GRM7: variants seen among roughly 807,000 people sequenced by gnomAD.
GRM7 encodes metabotropic glutamate receptor 7.
GRM7 carries 35 observed loss-of-function variants against 84.5 expected under a neutral mutation model. The observed-to-expected ratio is 0.41, with a 90% CI of 0.32 to 0.55. The LOEUF (loss-of-function observed/expected upper bound fraction) is 0.55, where lower values mean the gene tolerates loss of function less well. Ranked by LOEUF, GRM7 falls within the 20% of genes least tolerant of loss-of-function variation. GRM7 has a pLI of 0.19. For synonymous variants in GRM7, 487 were observed against 455.1 expected, an observed-to-expected ratio of 1.07 and a Z score of -0.89; for missense variants, 1,003 against 1,194.6, an observed-to-expected ratio of 0.84 and a Z score of 2.36.
At chr3:7,650,468 G>A (rs1404558942) in intron 8 of GRM7, among the ~76,000 whole-genome samples, 1 of 152,134 alleles carries the variant, frequency 6.6e-6, no homozygotes, top group Non-Finnish European at 1.5e-5. Context: ...CAGGCCAAAT[G>A]GAAGTTTCTA....
At chr3:6,904,710 CT>C (rs898161632) in intron 1 of GRM7, among the ~76,000 whole-genome samples, 1 of 151,688 alleles carries the variant, frequency 6.6e-6, no homozygotes, top group African/African-American at 2.4e-5. Flanking sequence ...ATCATCATGA[CT>C]TCCTTATGTG....
At chr3:6,977,091 A>C (rs143316966) in intron 1 of GRM7, among the ~76,000 whole-genome samples, 2 of 152,250 alleles carry the variant, frequency 1.3e-5, no homozygotes, top group Non-Finnish European at 2.9e-5. Flanking sequence ...GCACCATGGC[A>C]TATTTCCTCC....
At position 6,861,602 on chromosome 3, in the gene GRM7, A is replaced by G. The variant is rs760323966; in HGVS notation, c.214A>G (p.Arg72Gly). Residue 72 changes from arginine (R) to glycine (G), a missense_variant, in exon 1 of 10, where the codon AGG becomes GGG. Physicochemically the swap from Arg to Gly is moderately radical, Grantham distance 125. Coordinates refer to ENST00000357716, the MANE Select transcript of GRM7 (RefSeq NM_000844.4). This position sits in a 1 kb window ranked among gnomAD's most constrained non-coding sequence, Gnocchi z 6.4. The stretch of plus-strand genomic sequence containing the variant: ...CGGAGTGCCCTGCGGCGACATCAAG[A>G]GGGAAAACGGGATCCACAGGCTGGA... Reference protein sequence around the residue: ...PSGVPCGDIKRENGIHRLEAM... With the variant: ...PSGVPCGDIKGENGIHRLEAM... 27 of 1,611,380 alleles carry G rather than the reference A, an allele frequency of 1.7e-5. No individual in the cohort carries two copies. Among genetic ancestry groups the G allele is most frequent in the Middle Eastern group, 1.7e-4 (1 of 6,050 alleles).
intron 1 of GRM7, among the ~76,000 whole-genome samples, chr3:7,084,434 G>T (rs946944276): frequency 6.6e-6 from 1 of 152,096 alleles, no homozygotes; most frequent in African/African-American, 2.4e-5. Context: ...TCAGTAGCTT[G>T]GAAGGGAATA....
intron 1 of GRM7, among the ~76,000 whole-genome samples, chr3:7,127,683 A>C (rs1264290140): frequency 6.6e-6 from 1 of 152,138 alleles, no homozygotes; most frequent in Non-Finnish European, 1.5e-5. Context: ...TATAATTGTA[A>C]ATTTTATGTA....
chr3:7,181,230 A>G (rs1695327376), intron 2 of GRM7, among the ~76,000 whole-genome samples: 1 of 152,180 alleles, frequency 6.6e-6, no homozygotes, highest in Non-Finnish European at 1.5e-5. Flanking sequence ...GAGGGGACAT[A>G]TGGCATCCCA....
At position 7,587,473 on chromosome 3, in the gene GRM7, T is replaced by A. The variant is rs559916712; in HGVS notation, c.2451+8116T>A. On this transcript the variant is annotated intron_variant, in intron 8 of 9. Transcript: ENST00000357716. The stretch of plus-strand genomic sequence containing the variant: ...AATAGTCACATATCTGGGGGAACTG[T>A]CAGGAGAGGCTGTAATATAAATTAG... Among the ~76,000 whole-genome samples, 226 of 152,244 alleles carry A rather than the reference T, an allele frequency of 1.5e-3. 3 individuals carry two copies. Among genetic ancestry groups the A allele is most frequent in the Middle Eastern group, 0.014 (4 of 294 alleles).
In GRM7 at chr3:7,415,183, CCTT is replaced by C. The variant is rs768291327; in HGVS notation, c.1174+23_1174+25del. 3 of 1,606,368 alleles carry C rather than the reference CCTT, an allele frequency of 1.9e-6. No individual in the cohort carries two copies. Among genetic ancestry groups the C allele is most frequent in the East Asian group, 2.2e-5 (1 of 44,776 alleles). On this transcript the variant is annotated intron_variant, in intron 5 of 9. Coordinates refer to ENST00000357716, the MANE Select transcript of GRM7 (RefSeq NM_000844.4). ...GCACAGGTAATTTAATTCTCGTTGT[CCTT>C]CTCCTATTACTCTACGTGGCTAGCA...
intron 8 of GRM7, among the ~76,000 whole-genome samples, chr3:7,589,440 G>A (rs1695677019): frequency 6.6e-6 from 1 of 152,040 alleles, no homozygotes; most frequent in Non-Finnish European, 1.5e-5. Context: ...TCTAAATTTG[G>A]ACATTACCCA....
At chr3:7,032,809 G>A (rs763778467) in intron 1 of GRM7, among the ~76,000 whole-genome samples, 2 of 152,162 alleles carry the variant, frequency 1.3e-5, no homozygotes, top group Non-Finnish European at 2.9e-5. Flanking sequence ...AATCTACTAT[G>A]TAACATATTC....
At chr3:6,919,714 A>C (rs1697060701) in intron 1 of GRM7, among the ~76,000 whole-genome samples, 1 of 152,136 alleles carries the variant, frequency 6.6e-6, no homozygotes, top group African/African-American at 2.4e-5. Flanking sequence ...AATGGGAATC[A>C]TCAACTTTAG....
chr3:7,058,657 A>G (rs1309659894), intron 1 of GRM7, among the ~76,000 whole-genome samples: 1 of 151,866 alleles, frequency 6.6e-6, no homozygotes, highest in Non-Finnish European at 1.5e-5. Flanking sequence ...CAGCAAGTCC[A>G]TTTTTACTTT....
intron 7 of GRM7, among the ~76,000 whole-genome samples, chr3:7,519,360 TAAA>T (rs35567248): frequency 7.1e-6 from 1 of 140,756 alleles, no homozygotes; most frequent in African/African-American, 2.6e-5. Flanking sequence ...AGACCCTGTC[TAAA>T]AAAAAAAAAA....
intron 1 of GRM7, among the ~76,000 whole-genome samples, chr3:6,887,458 C>A (rs1383616369): frequency 6.6e-6 from 1 of 151,798 alleles, no homozygotes. Flanking sequence ...TCAATTCCCA[C>A]CTATGAGTGA....
chr3:7,578,324 CAT>C (rs1160433657), intron 7 of GRM7, 96 bp from the exon 8 acceptor site: 2 of 742,278 alleles, frequency 2.7e-6, no homozygotes, highest in Non-Finnish European at 2.2e-6. Context: ...CCTCATGCCT[CAT>C]ATGTCACTTG....
At position 7,415,142 on chromosome 3, in the gene GRM7, G is replaced by A; in HGVS notation, c.1153G>A (p.Asp385Asn). The A allele has an allele frequency of 1.2e-6, 2 of 1,613,132 alleles. No individual in the cohort carries two copies. Among genetic ancestry groups the A allele is most frequent in the Non-Finnish European group, 8.5e-7 (1 of 1,179,254 alleles). ...GACGATTAGTGGGTCAAAAAAAGAA[G>A]ACACAGATCGCAAATGCACAGGTAA... is the stretch of plus-strand genomic sequence containing the variant. The part of the protein sequence containing the change: ...KLTISGSKKE[D>N]TDRKCTGQER... Residue 385 changes from aspartate to asparagine, a missense_variant, in exon 5 of 10, where the codon GAC (aspartate) becomes AAC (asparagine). By Grantham distance (23) the Asp-to-Asn change is conservative. This residue lies in a region of GRM7 where 910 missense variants were observed against 1,126.0 expected (regional missense o/e 0.81). Coordinates refer to ENST00000357716, the MANE Select transcript of GRM7 (RefSeq NM_000844.4).
intron 1 of GRM7, among the ~76,000 whole-genome samples, chr3:7,086,143 C>T (rs944574206): frequency 1.2e-4 from 18 of 152,114 alleles, no homozygotes; most frequent in African/African-American, 3.4e-4. Context: ...ACATTAGCAT[C>T]ACTGGATTGA....
chr3:7,016,879 C>T (rs1017558610), intron 1 of GRM7, among the ~76,000 whole-genome samples: 26 of 152,318 alleles, frequency 1.7e-4, no homozygotes, highest in Admixed American at 1.4e-3. Context: ...AATCTAGACT[C>T]TGGCAATTGC....
At position 6,861,132 on chromosome 3, in the gene GRM7, G is replaced by A. The variant is rs935999687; in HGVS notation, c.-257G>A. The A allele has an allele frequency of 2.4e-6, 1 of 410,972 alleles. No individual in the cohort carries two copies. The highest frequency in any genetic ancestry group is 2.1e-5 in the African/African-American group (1 of 48,032). 25.5% of individuals were successfully genotyped at this position (410,972 alleles called of 1,614,324 possible). ...CTCTCCCCAGTGCTGGGCTGTTGGA[G>A]AGAGCGAGCAGCAAGCCGGTGAGCG... is the stretch of plus-strand genomic sequence containing the variant. On this transcript the variant is annotated 5_prime_UTR_variant, in exon 1 of 10. Coordinates refer to ENST00000357716, the MANE Select transcript of GRM7 (RefSeq NM_000844.4). The surrounding 1 kb of genome is among the most constrained non-coding windows in gnomAD (Gnocchi z 6.4).
Sources: gnomAD v4.1 joint callset for allele counts (sites outside exome capture counted in the v4.1 genomes callset) on GRCh38, gnomAD v4.1.1 for gene constraint, gnomAD v4.1.1 regional missense constraint, Gnocchi (gnomAD v3.1) non-coding constraint, MANE v1.5 for transcripts, NCBI Gene and HGNC (gene_info 2026-07-23, HGNC 2026-07-21) for gene names.